TSPAN4: variants seen among roughly 807,000 people sequenced by gnomAD.
The protein encoded by TSPAN4 is tetraspanin 4.
Under a neutral mutation model 31.5 loss-of-function variants are expected in TSPAN4, and 38 were observed. The observed-to-expected ratio is 1.21, with a 90% confidence interval of 0.93 to 1.58. The LOEUF (loss-of-function observed/expected upper bound fraction) is 1.58. TSPAN4 is among the 40% of genes most tolerant of loss of function. The pLI, the probability that TSPAN4 is intolerant of heterozygous loss-of-function variation, is 0.00. For synonymous variants in TSPAN4, 186 were observed against 144.6 expected (o/e 1.29, Z -2.06); for missense variants, 330 against 317.3 (o/e 1.04, Z -0.30).
intron 3 of TSPAN4, among the ~76,000 whole-genome samples, chr11:851,511 TGGAG>T (rs2134004660): frequency 6.6e-6 from 1 of 152,136 alleles, no homozygotes; most frequent in South Asian, 2.1e-4. Flanking sequence ...CAGCTTGGGG[TGGAG>T]GCAGGGGGGT....
At chr11:866,064 A>G (rs1435319853) in intron 8 of TSPAN4, 63 bp downstream of exon 8, 2 of 1,563,274 alleles carry the variant, frequency 1.3e-6, no homozygotes, top group Non-Finnish European at 1.7e-6. Context: ...GAGCCCAGGG[A>G]ACAAAGTAGC....
chr11:860,692 G>A (rs1848406816), intron 3 of TSPAN4, among the ~76,000 whole-genome samples: 1 of 152,196 alleles, frequency 6.6e-6, no homozygotes, highest in African/African-American at 2.4e-5. Flanking sequence ...GGCTTGGGAG[G>A]CTTTTATGGG....
chr11:849,906 G>A (rs1847556569), intron 2 of TSPAN4: 1 of 149,060 alleles, frequency 6.7e-6, no homozygotes, highest in Non-Finnish European at 1.5e-5. Context: ...GCGACCCGCT[G>A]CCACCGCGGG....
At chr11:845,621 C>T (rs1847274797) in intron 1 of TSPAN4, among the ~76,000 whole-genome samples, 1 of 152,066 alleles carries the variant, frequency 6.6e-6, no homozygotes. Flanking sequence ...ACCTGAGGTG[C>T]GGCTGCTCCT....
intron 3 of TSPAN4, among the ~76,000 whole-genome samples, chr11:854,944 C>T (rs920568886): frequency 3.3e-5 from 5 of 152,226 alleles, no homozygotes; most frequent in Admixed American, 6.5e-5. Flanking sequence ...GGAAACAATC[C>T]GTTTCTGAAC....
At chr11:847,614 C>T (rs1171066051) in intron 2 of TSPAN4, among the ~76,000 whole-genome samples, 2 of 151,008 alleles carry the variant, frequency 1.3e-5, no homozygotes, top group African/African-American at 2.4e-5. Flanking sequence ...CGCCCCCACC[C>T]CCCCCCAACC....
At chr11:856,425 C>A (rs1848046365) in intron 3 of TSPAN4, among the ~76,000 whole-genome samples, 1 of 152,240 alleles carries the variant, frequency 6.6e-6, no homozygotes, top group African/African-American at 2.4e-5. Flanking sequence ...GCACCGCTGA[C>A]TGGAGGTGAA....
intron 1 of TSPAN4, chr11:844,065 C>G (rs1440785649): frequency 6.6e-6 from 1 of 152,418 alleles, no homozygotes; most frequent in Non-Finnish European, 1.5e-5. Flanking sequence ...CCCTGACCCC[C>G]TCCCCCCAGG....
At chr11:847,394 G>A (rs1009816933) in intron 2 of TSPAN4, 94 bp downstream of exon 2, 3 of 152,144 alleles carry the variant, frequency 2.0e-5, no homozygotes, top group East Asian at 1.9e-4. Flanking sequence ...CCTTGCCAGC[G>A]GACACTTTGA....
At chr11:864,587 C>T (rs184028259) in intron 5 of TSPAN4, 76 bp downstream of exon 5, 46 of 1,569,778 alleles carry the variant, frequency 2.9e-5, no homozygotes, top group Middle Eastern at 1.7e-4. Context: ...ACTGTGGGCC[C>T]GGTGTGGACA....
intron 4 of TSPAN4, chr11:862,976 G>A (rs1848553279): frequency 3.8e-6 from 2 of 527,436 alleles, no homozygotes; most frequent in East Asian, 6.5e-5. Context: ...AGAACGTGCT[G>A]TACCTTGTCA....
intron 3 of TSPAN4, among the ~76,000 whole-genome samples, chr11:860,909 G>C (rs1455294184): frequency 1.3e-5 from 2 of 152,136 alleles, no homozygotes; most frequent in African/African-American, 2.4e-5. Flanking sequence ...TCAACCGTCG[G>C]CACCCCAGGA....
At chr11:860,952 T>C (rs1350155662) in intron 3 of TSPAN4, among the ~76,000 whole-genome samples, 1 of 152,158 alleles carries the variant, frequency 6.6e-6, no homozygotes, top group Non-Finnish European at 1.5e-5. Flanking sequence ...GCACCCACGC[T>C]GCAGACCGGG....
At position 865,880 on chromosome 11, in the gene TSPAN4, A is replaced by G. The variant is rs755727175; in HGVS notation, c.565-38A>G. 5.0e-5 allele frequency: 80 copies of G among 1,612,544 alleles called. 1 individual carries two copies. The highest frequency in any genetic ancestry group is 6.7e-5 in the Non-Finnish European group (79 of 1,179,842). Reference sequence around the variant, plus strand: ...TAGGGGCCTAGAGGGCGGGACCAGCAGGCCCTGCCGTGACACGCATGACAT... The same window carrying G: ...TAGGGGCCTAGAGGGCGGGACCAGCGGGCCCTGCCGTGACACGCATGACAT... On this transcript the variant is annotated intron_variant, in intron 7 of 8. Coordinates refer to ENST00000397397, the MANE Select transcript of TSPAN4 (RefSeq NM_003271.5).
Position 848,184 on chromosome 11 carries a change from C to T in TSPAN4, c.-18+884C>T, listed in dbSNP as rs549924276. ...GCCATCTGCTCTCTGGGCAGAGCTG[C>T]GGGTGAGGGTTTCTGTCAGGGTTGG... is the stretch of plus-strand genomic sequence containing the variant. On this transcript the variant is annotated intron_variant, in intron 2 of 8. Transcript: ENST00000397397. The surrounding 1 kb of genome is among the most constrained non-coding windows in gnomAD (Gnocchi z 5.7). Among the ~76,000 whole-genome samples, 2 of 152,298 alleles carry T rather than the reference C, an allele frequency of 1.3e-5. No homozygotes were observed. Among genetic ancestry groups the T allele is most frequent in the Admixed American group, 6.5e-5 (1 of 15,314 alleles).
At chr11:853,464 C>T (rs1485737240) in intron 3 of TSPAN4, among the ~76,000 whole-genome samples, 2 of 152,058 alleles carry the variant, frequency 1.3e-5, no homozygotes, top group Non-Finnish European at 2.9e-5. Context: ...GAGGGGCTCG[C>T]TCCAGAAGGC....
intron 3 of TSPAN4, chr11:862,269 T>A (rs1479897912): frequency 4.6e-6 from 2 of 439,552 alleles, no homozygotes; most frequent in African/African-American, 4.1e-5. Context: ...GTTGGGCGGA[T>A]CCCTCCTAGA....
At position 865,565 on chromosome 11, in the gene TSPAN4, C is replaced by G. The variant is rs559071583; in HGVS notation, c.383C>G (p.Thr128Arg). The change falls in exon 6 of 9, where the codon ACG becomes AGG. Residue 128 changes from threonine (T) to arginine (R), a missense_variant. Coordinates refer to ENST00000397397, the MANE Select transcript of TSPAN4 (RefSeq NM_003271.5). Reference sequence around the variant, plus strand: ...AAGAAAGGCTTGCACCTGTACGGCACGCAGGGCAACGTGGGCCTCACCAAC... The same window carrying G: ...AAGAAAGGCTTGCACCTGTACGGCAGGCAGGGCAACGTGGGCCTCACCAAC... ...DLKKGLHLYG[T>R]QGNVGLTNAW... 3.1e-6 allele frequency: 5 copies of G among 1,612,682 alleles called. 1 individual carries two copies. The South Asian group carries it at 4.4e-5, about 14-fold the overall frequency.
chr11:851,700 G>C (rs1847744391), intron 3 of TSPAN4, among the ~76,000 whole-genome samples: 1 of 152,052 alleles, frequency 6.6e-6, no homozygotes, highest in African/African-American at 2.4e-5. Context: ...TGGGAGGTGT[G>C]GGTGTGGTCT....
Sources: gnomAD v4.1 joint callset for allele counts (sites outside exome capture counted in the v4.1 genomes callset) on GRCh38, gnomAD v4.1.1 for gene constraint, Gnocchi (gnomAD v3.1) non-coding constraint, MANE v1.5 for transcripts, NCBI Gene and HGNC (gene_info 2026-07-23, HGNC 2026-07-21) for gene names.